Variants in VPS8 observed in about 807,000 individuals in gnomAD.
VPS8 encodes the protein vacuolar protein sorting-associated protein 8 homolog.
A neutral mutation model predicts 216.4 loss-of-function variants in VPS8; 129 were observed. The observed-to-expected ratio is 0.60, with a 90% confidence interval of 0.52 to 0.69. The LOEUF (loss-of-function observed/expected upper bound fraction) is 0.69. Ranked by LOEUF, VPS8 falls within the 30% of genes least tolerant of loss-of-function variation. VPS8 has a pLI of 0.00. For synonymous variants in VPS8, 571 were observed against 565.4 expected, an observed-to-expected ratio of 1.01 and a Z score of -0.14; for missense variants, 1,531 against 1,683.5, an observed-to-expected ratio of 0.91 and a Z score of 1.59.
intron 46 of VPS8, among the ~76,000 whole-genome samples, chr3:185,027,713 G>A (rs1045076712): frequency 1.5e-4 from 23 of 152,120 alleles, no homozygotes; most frequent in African/African-American, 5.6e-4. Context: ...ACTGAGTAAT[G>A]TCCCAGCTCT....
chr3:184,826,744 G>A (rs1490733241), intron 3 of VPS8, among the ~76,000 whole-genome samples: 1 of 152,172 alleles, frequency 6.6e-6, no homozygotes, highest in Non-Finnish European at 1.5e-5. Context: ...GTCCTCTGAC[G>A]CTAAAGAACA....
At position 184,960,828 on chromosome 3, in the gene VPS8, C is replaced by T. The variant is rs1003621548; in HGVS notation, c.3183+3307C>T. Among the ~76,000 whole-genome samples the T allele has an allele frequency of 2.6e-5, 4 of 152,170 alleles. No homozygotes were observed. In the South Asian group the frequency reaches 8.3e-4, roughly 32 times the overall value. ...ATAATGGTAATTCGTAAGTCAAAGT[C>T]ATAATTAAAAGGGAGACTCACATAT... On this transcript the variant is annotated intron_variant, in intron 37 of 47. Transcript: ENST00000625842.
intron 42 of VPS8, among the ~76,000 whole-genome samples, chr3:184,989,505 T>C (rs1751581522): frequency 6.6e-6 from 1 of 152,008 alleles, no homozygotes. Context: ...GCTCAAGCCA[T>C]CCTCCCGCCT....
intron 13 of VPS8, among the ~76,000 whole-genome samples, chr3:184,855,158 G>GT (rs896846192): frequency 6.0e-5 from 9 of 150,992 alleles, no homozygotes; most frequent in East Asian, 3.9e-4. Flanking sequence ...TGTTTTTATT[G>GT]TTTTTTTTCA....
rs1050644970 is a variant in VPS8 at position 185,015,181 on chromosome 3, G to A, written c.4003-9155G>A. On this transcript the variant is annotated intron_variant, in intron 45 of 47. Transcript: ENST00000625842. The stretch of plus-strand genomic sequence containing the variant: ...TGTATCTGCGTTTGAGACCAGAGGC[G>A]TTAACATGGGTTAAATTGTGAAAGT... 7.9e-5 allele frequency among the ~76,000 whole-genome samples: 12 copies of A among 152,320 alleles called. No homozygotes were observed. The South Asian group carries it at 1.2e-3, about 16-fold the overall frequency.
chr3:184,993,450 A>C (rs745540927), intron 42 of VPS8, among the ~76,000 whole-genome samples: 1 of 152,136 alleles, frequency 6.6e-6, no homozygotes, highest in Non-Finnish European at 1.5e-5. Context: ...AGTGGAGAGA[A>C]CATTGGGTAT....
intron 14 of VPS8, among the ~76,000 whole-genome samples, chr3:184,857,339 T>C (rs1417067298): frequency 6.6e-6 from 1 of 152,270 alleles, no homozygotes; most frequent in Non-Finnish European, 1.5e-5. Context: ...GAGTCCTATC[T>C]TTACTTTCAA....
rs538181399 is a variant in VPS8 at position 184,848,557 on chromosome 3, C to A, written c.542-514C>A. On this transcript the variant is annotated intron_variant, in intron 8 of 47. Coordinates refer to ENST00000625842, the MANE Select transcript of VPS8 (RefSeq NM_001009921.3). ...CTTCCTTGTAGATCTTTTTTTTTTC[C>A]TGTATTCTTTTTTTTTTTTTTTTTT... 7.1e-5 allele frequency among the ~76,000 whole-genome samples: 10 copies of A among 141,000 alleles called. 1 individual carries two copies. In the South Asian group the frequency reaches 2.0e-3, roughly 28 times the overall value. 92.5% of individuals were successfully genotyped at this position (141,000 alleles called of 152,430 possible).
intron 46 of VPS8, among the ~76,000 whole-genome samples, chr3:185,038,198 G>A (rs943228448): frequency 6.6e-6 from 1 of 152,154 alleles, no homozygotes; most frequent in African/African-American, 2.4e-5. Flanking sequence ...TCTCAAGTAG[G>A]CGTAGCCTTG....
chr3:184,925,846 T>C (rs1363952556), intron 30 of VPS8, among the ~76,000 whole-genome samples: 2 of 149,300 alleles, frequency 1.3e-5, no homozygotes, highest in East Asian at 4.0e-4. Flanking sequence ...CGATCTTGGC[T>C]CACTGCAACC....
chr3:185,025,185 G>A (rs914640800), intron 46 of VPS8, among the ~76,000 whole-genome samples: 6 of 152,184 alleles, frequency 3.9e-5, no homozygotes, highest in Admixed American at 2.0e-4. Context: ...GGGTATGACT[G>A]ACGGTTTTAC....
chr3:184,878,714 G>A (rs750625180), intron 21 of VPS8, among the ~76,000 whole-genome samples: 1 of 152,274 alleles, frequency 6.6e-6, no homozygotes, highest in South Asian at 2.1e-4. Flanking sequence ...GTTCTGAGGA[G>A]TCAGGTCTTT....
At chr3:185,039,510 A>G (rs989380314) in intron 46 of VPS8, among the ~76,000 whole-genome samples, 3 of 151,448 alleles carry the variant, frequency 2.0e-5, no homozygotes, top group Middle Eastern at 3.4e-3. Context: ...TTAGAAGCCA[A>G]CGCTATGACA....
intron 21 of VPS8, among the ~76,000 whole-genome samples, chr3:184,872,609 G>A (rs1248646149): frequency 1.3e-5 from 2 of 152,058 alleles, no homozygotes; most frequent in Admixed American, 1.3e-4. Context: ...TAGTCTCATA[G>A]GAGGTGAAGG....
At position 184,824,737 on chromosome 3, in the gene VPS8, A is replaced by G. The variant is rs1363341925; in HGVS notation, c.105A>G (p.Lys35=). ...KSFNLEASLS[K]FSYIDMDKEL... ...TCAATCTAGAAGCTTCACTTTCAAA[A>G]TTCTCTTACATAGATATGGACAAGG... Residue 35 remains lysine, a synonymous_variant, in exon 2 of 48, where the codon AAA becomes AAG. Coordinates refer to ENST00000625842, the MANE Select transcript of VPS8 (RefSeq NM_001009921.3). 6.2e-7 allele frequency: 1 copy of G among 1,613,636 alleles called. No individual in the cohort carries two copies. Among genetic ancestry groups the G allele is most frequent in the Non-Finnish European group, 8.5e-7 (1 of 1,179,708 alleles).
intron 17 of VPS8, 124 bp downstream of exon 17, chr3:184,867,074 C>CACAAAGGGTTTAGGA: frequency 2.5e-6 from 2 of 805,420 alleles, no homozygotes; most frequent in Non-Finnish European, 3.8e-6. Flanking sequence ...ATCCTAAACC[C>CACAAAGGGTTTAGGA]TTTGTGGTTA....
intron 33 of VPS8, 46 bp from the exon 34 acceptor site, chr3:184,930,424 T>A: frequency 6.9e-7 from 1 of 1,441,348 alleles, no homozygotes; most frequent in Non-Finnish European, 9.7e-7. Context: ...AGGGACTAAA[T>A]CTTGAGTGAG....
chr3:184,854,870 GTTGT>G (rs1724957172), intron 13 of VPS8, among the ~76,000 whole-genome samples: 2 of 152,102 alleles, frequency 1.3e-5, no homozygotes, highest in Admixed American at 1.3e-4. Flanking sequence ...TGTTTTCAGA[GTTGT>G]AATCTTCCAA....
chr3:184,820,891 CTG>C (rs1190412161), intron 1 of VPS8, among the ~76,000 whole-genome samples: 1 of 152,164 alleles, frequency 6.6e-6, no homozygotes, highest in African/African-American at 2.4e-5. Flanking sequence ...TTAAGTGTCT[CTG>C]TTGCTTTGGT....
Sources: allele counts gnomAD v4.1 joint callset (sites outside exome capture counted in the v4.1 genomes callset), GRCh38; gene constraint gnomAD v4.1.1; transcripts MANE v1.5; gene names NCBI Gene and HGNC (gene_info 2026-07-23, HGNC 2026-07-21).